ITSN1: variants seen among roughly 807,000 people sequenced by gnomAD.
The protein encoded by ITSN1 is intersectin-1.
ITSN1 carries 58 observed loss-of-function variants against 239.8 expected under a neutral mutation model. The observed-to-expected ratio is 0.24, with a 90% confidence interval of 0.20 to 0.30. ITSN1 has a LOEUF of 0.30. Ranked by LOEUF, ITSN1 falls within the 10% of genes least tolerant of loss-of-function variation. ITSN1 has a pLI of 1.00. For synonymous variants in ITSN1, 780 were observed against 770.8 expected (o/e 1.01, Z -0.20); for missense variants, 1,558 against 2,103.3 (o/e 0.74, Z 5.07).
At chr21:33,846,207 C>T (rs2074986084) in intron 29 of ITSN1, among the ~76,000 whole-genome samples, 1 of 152,172 alleles carries the variant, frequency 6.6e-6, no homozygotes, top group South Asian at 2.1e-4. Context: ...ATTTAAGCCA[C>T]TGGTAGGCCC....
chr21:33,653,139 C>T (rs980862291), intron 1 of ITSN1, among the ~76,000 whole-genome samples: 1 of 152,060 alleles, frequency 6.6e-6, no homozygotes, highest in Admixed American at 6.6e-5. Context: ...GGACTGCAGG[C>T]ATGTGCCACC....
chr21:33,684,721 T>C (rs948256873), intron 1 of ITSN1, among the ~76,000 whole-genome samples: 1 of 152,154 alleles, frequency 6.6e-6, no homozygotes, highest in African/African-American at 2.4e-5. Context: ...GTAATTCTTA[T>C]GACATATAAG....
chr21:33,746,948 G>T (rs1435829754), intron 5 of ITSN1, among the ~76,000 whole-genome samples: 1 of 152,204 alleles, frequency 6.6e-6, no homozygotes, highest in Non-Finnish European at 1.5e-5. Flanking sequence ...GAGGTTAGAA[G>T]TTGGAGACCA....
chr21:33,704,945 AAAT>A (rs1365140934), intron 1 of ITSN1, among the ~76,000 whole-genome samples: 2,240 of 145,154 alleles, frequency 0.015, 66 homozygotes, highest in African/African-American at 0.056. Flanking sequence ...AAAAAAAAAA[AAAT>A]ACAAACAAAA....
intron 27 of ITSN1, 30 bp downstream of exon 27, chr21:33,829,775 C>T (rs2074184820): frequency 6.2e-7 from 1 of 1,612,392 alleles, no homozygotes; most frequent in South Asian, 1.1e-5. Context: ...ATTTACAATT[C>T]TCCATCCAAG....
rs933049562 is a variant in ITSN1, at chr21:33,667,285, A to G, written c.-33+24572A>G. 1.2e-4 allele frequency among the ~76,000 whole-genome samples: 18 copies of G among 151,404 alleles called. 1 individual carries two copies. The highest frequency in any genetic ancestry group is 5.9e-5 in the Non-Finnish European group (4 of 67,896). On this transcript the variant is annotated intron_variant, in intron 1 of 39. Coordinates refer to ENST00000381318, the MANE Select transcript of ITSN1 (RefSeq NM_003024.3). ...TTTTGTTTTTTTTTTACAATTCTCT[A>G]AGGTAAGCTCTTTGTGATCCTCAAT...
intron 8 of ITSN1, among the ~76,000 whole-genome samples, chr21:33,760,095 G>A (rs2409498): frequency 4.5e-4 from 67 of 150,112 alleles, no homozygotes; most frequent in African/African-American, 1.4e-3. Flanking sequence ...GAGCGAGACC[G>A]AGACTCCATC....
In ITSN1 at chr21:33,865,377, A is replaced by G. The variant is rs1450956849; in HGVS notation, c.4074+43A>G. ...GCAGAGACTGGGCCCCAGAGTGGCG[A>G]TCTTTGGGCAGCTGGATGTGTGAGG... On this transcript the variant is annotated intron_variant, in intron 32 of 39. Coordinates refer to ENST00000381318, the MANE Select transcript of ITSN1 (RefSeq NM_003024.3). This position sits in a 1 kb window ranked among gnomAD's most constrained non-coding sequence, Gnocchi z 4.4. 1 of 1,430,216 alleles carries G rather than the reference A, an allele frequency of 7.0e-7. No homozygotes were observed. The highest frequency in any genetic ancestry group is 2.5e-5 in the East Asian group (1 of 39,880). The allele number at this position is 1,430,216 out of a possible 1,614,324, so 88.6% of individuals were successfully genotyped here.
intron 33 of ITSN1, among the ~76,000 whole-genome samples, chr21:33,874,644 C>CTT (rs1389082456): frequency 3.0e-5 from 3 of 100,800 alleles, no homozygotes; most frequent in East Asian, 3.3e-4. Context: ...TGAATATTTT[C>CTT]TTTTTCTTTC....
intron 8 of ITSN1, among the ~76,000 whole-genome samples, chr21:33,756,030 G>A (rs749228005): frequency 2.0e-5 from 3 of 152,158 alleles, no homozygotes; most frequent in Non-Finnish European, 2.9e-5. Flanking sequence ...AAGGCTGGGT[G>A]CAGTGGCTCA....
rs577415823 is a variant in ITSN1, at chr21:33,885,600, C to T, written c.4843+78C>T. The T allele has an allele frequency of 4.5e-5, 49 of 1,080,388 alleles. No homozygotes were observed. The African/African-American group carries it at 7.3e-4, about 16-fold the overall frequency. 66.9% of individuals were successfully genotyped at this position (1,080,388 alleles called of 1,614,324 possible). On this transcript the variant is annotated intron_variant, in intron 38 of 39. Transcript: ENST00000381318. ...GGGTTCCCCACACCCCCACCTGGCT[C>T]TAGATCAAATGTGCTATTTCCATAC...
intron 20 of ITSN1, among the ~76,000 whole-genome samples, chr21:33,803,364 A>G (rs2148106148): frequency 6.6e-6 from 1 of 152,302 alleles, no homozygotes; most frequent in Non-Finnish European, 1.5e-5. Flanking sequence ...ACATGCACAA[A>G]TATGTGTGTA....
At chr21:33,656,017 T>C (rs1246748518) in intron 1 of ITSN1, among the ~76,000 whole-genome samples, 1 of 152,182 alleles carries the variant, frequency 6.6e-6, no homozygotes, top group African/African-American at 2.4e-5. Flanking sequence ...GTTTTCTTTA[T>C]TCATAATTGT....
At chr21:33,762,111 G>A (rs2068376996) in intron 9 of ITSN1, 125 bp downstream of exon 9, 1 of 721,642 alleles carries the variant, frequency 1.4e-6, no homozygotes, top group African/African-American at 1.8e-5. Flanking sequence ...TAATTTCAGT[G>A]AGTTGTAATG....
intron 34 of ITSN1, among the ~76,000 whole-genome samples, chr21:33,877,534 C>T (rs1347883441): frequency 6.6e-6 from 1 of 152,216 alleles, no homozygotes; most frequent in East Asian, 1.9e-4. Context: ...TCCTTCACTA[C>T]ACCAAGGTCA....
At chr21:33,795,874 T>C (rs1374597001) in intron 17 of ITSN1, among the ~76,000 whole-genome samples, 1 of 151,770 alleles carries the variant, frequency 6.6e-6, no homozygotes, top group Non-Finnish European at 1.5e-5. Context: ...AGATAAAAAC[T>C]GCAAATTAAC....
At chr21:33,847,571 C>G (rs1433703833) in intron 29 of ITSN1, among the ~76,000 whole-genome samples, 1 of 152,168 alleles carries the variant, frequency 6.6e-6, no homozygotes, top group African/African-American at 2.4e-5. Flanking sequence ...AGAGAGTAGC[C>G]TTTGAAGCCA....
At chr21:33,673,408 G>C (rs900071648) in intron 1 of ITSN1, among the ~76,000 whole-genome samples, 3 of 152,190 alleles carry the variant, frequency 2.0e-5, no homozygotes, top group Non-Finnish European at 4.4e-5. Flanking sequence ...GTAGCTATGT[G>C]AGGAGATGGA....
intron 1 of ITSN1, among the ~76,000 whole-genome samples, chr21:33,670,311 T>C (rs563597708): frequency 6.2e-4 from 94 of 152,280 alleles, no homozygotes; most frequent in African/African-American, 2.2e-3. Flanking sequence ...GTCGTGATTA[T>C]GTCATGACAC....
Sources: gnomAD v4.1 joint callset for allele counts (sites outside exome capture counted in the v4.1 genomes callset) on GRCh38, gnomAD v4.1.1 for gene constraint, Gnocchi (gnomAD v3.1) non-coding constraint, MANE v1.5 for transcripts, NCBI Gene and HGNC (gene_info 2026-07-23, HGNC 2026-07-21) for gene names.